The following MACF1 variants were observed in gnomAD, a reference collection of about 807,000 sequenced individuals.
MACF1 encodes microtubule actin crosslinking factor 1.
A neutral mutation model predicts 854.8 loss-of-function variants in MACF1; 193 were observed. The observed-to-expected ratio is 0.23, with a 90% CI of 0.20 to 0.25. MACF1 has a LOEUF of 0.25. Ranked by LOEUF, MACF1 falls within the 10% of genes least tolerant of loss-of-function variation. MACF1 has a pLI of 1.00. For missense variants in MACF1, 7,722 were observed against 8,929.1 expected, an observed-to-expected ratio of 0.86 and a Z score of 5.45; for synonymous variants, 3,185 against 3,226.7, an observed-to-expected ratio of 0.99 and a Z score of 0.44.
chr1:39,089,756 A>G (rs1288250838), intron 2 of MACF1, among the ~76,000 whole-genome samples: 2 of 152,218 alleles, frequency 1.3e-5, no homozygotes, highest in Admixed American at 1.3e-4. Flanking sequence ...TGTGCCAGGC[A>G]CTGCGGAGAT....
chr1:39,176,500 T>G (rs1644031002), intron 2 of MACF1, among the ~76,000 whole-genome samples: 1 of 152,194 alleles, frequency 6.6e-6, no homozygotes, highest in African/African-American at 2.4e-5. Context: ...CTCCTCCTTT[T>G]AGGTCCTCTA....
intron 60 of MACF1, 99 bp downstream of exon 60, chr1:39,422,999 G>T: frequency 9.2e-7 from 1 of 1,085,270 alleles, no homozygotes; most frequent in Non-Finnish European, 1.3e-6. Context: ...AGTTTTAGTA[G>T]AATCCTAAAC....
chr1:39,287,635 A>G (rs1645670736), intron 15 of MACF1, 73 bp downstream of exon 15: 1 of 1,533,138 alleles, frequency 6.5e-7, no homozygotes, highest in South Asian at 1.2e-5. Flanking sequence ...AAGAGGACCA[A>G]ATTGCTTTGT....
chr1:39,411,032 G>A (rs543944783), intron 58 of MACF1: 14 of 1,613,998 alleles, frequency 8.7e-6, no homozygotes, highest in Middle Eastern at 1.6e-4. Context: ...AGATTCTCAA[G>A]TGCAACCTGG....
chr1:39,098,887 G>C (rs1426984008), intron 2 of MACF1, among the ~76,000 whole-genome samples: 2 of 152,182 alleles, frequency 1.3e-5, no homozygotes, highest in African/African-American at 4.8e-5. Flanking sequence ...TTGGGAACTT[G>C]AGGCAAAGCT....
chr1:39,285,169 G>T lies in MACF1; in HGVS notation c.1218G>T (p.Glu406Asp). 6.2e-7 allele frequency: 1 copy of T among 1,614,224 alleles called. No individual in the cohort carries two copies. The highest frequency in any genetic ancestry group is 8.5e-7 in the Non-Finnish European group (1 of 1,180,044). The change falls in exon 12 of 101, where the codon GAG becomes GAT. Residue 406 changes from glutamate (E) to aspartate (D), a missense_variant. Glu to Asp is a conservative substitution (Grantham distance 45). Around this residue, in one of 15 missense-constraint regions of MACF1, gnomAD observed 1,137 missense variants for 1,263.0 expected, o/e 0.90. Transcript: ENST00000564288. ...AAGAGTGGGGAAAGCTCATCATAGA[G>T]ATGCTGGAACGAGAGAAATCACTTC... ...VEEEWGKLII[E>D]MLEREKSLRP...
In MACF1 at chr1:39,334,748, T is replaced by C; in HGVS notation, c.8160T>C (p.Ile2720=). The change falls in exon 37 of 101, where the codon ATT becomes ATC. Residue 2720 remains isoleucine (I), a synonymous_variant. Transcript: ENST00000564288. ...EKLVDENMVR[I]IASHQVLNGG... ...TGGTGGATGAAAACATGGTCAGAAT[T>C]ATTGCATCTCATCAGGTGTTAAATG... 1 of 1,614,124 alleles carries C rather than the reference T, an allele frequency of 6.2e-7. No homozygotes were observed. The highest frequency in any genetic ancestry group is 1.1e-5 in the South Asian group (1 of 91,078).
At chr1:39,374,329 G>T (rs1469402782) in intron 52 of MACF1, among the ~76,000 whole-genome samples, 2 of 152,208 alleles carry the variant, frequency 1.3e-5, no homozygotes, top group Non-Finnish European at 2.9e-5. Context: ...TTTATTACTA[G>T]TCTGTGATAG....
At chr1:39,150,442 T>C (rs920630080) in intron 2 of MACF1, among the ~76,000 whole-genome samples, 1 of 152,266 alleles carries the variant, frequency 6.6e-6, no homozygotes, top group African/African-American at 2.4e-5. Flanking sequence ...TGGATTATTG[T>C]CATTCTACAC....
At chr1:39,382,300 T>C (rs1181071695) in intron 56 of MACF1, 148 bp downstream of exon 56, 3 of 712,702 alleles carry the variant, frequency 4.2e-6, no homozygotes, top group Non-Finnish European at 6.9e-6. Flanking sequence ...GTGTTAATCA[T>C]GGTGCCTGTA....
rs79248633 is a variant in MACF1 at position 39,148,798 on chromosome 1, T to G, written c.220+64360T>G. ...ACACTTAACTGTATTTTTAAAAAGATAAATTCCTAAGAATGGAATTGCTGA... is the reference window on the plus strand; with the variant it reads ...ACACTTAACTGTATTTTTAAAAAGAGAAATTCCTAAGAATGGAATTGCTGA... On this transcript the variant is annotated intron_variant, in intron 2 of 93. Transcript: ENST00000361689. Among the ~76,000 whole-genome samples the G allele has an allele frequency of 3.0e-4, 46 of 152,364 alleles. No homozygotes were observed. The East Asian group carries it at 5.8e-3, about 19-fold the overall frequency.
chr1:39,190,920 G>A (rs979539632), intron 2 of MACF1, among the ~76,000 whole-genome samples: 2 of 152,130 alleles, frequency 1.3e-5, no homozygotes, highest in Non-Finnish European at 2.9e-5. Context: ...TTGAACCTGG[G>A]AGGTGGAGTT....
At chr1:39,319,462 CA>C (rs1430473884) in intron 30 of MACF1, among the ~76,000 whole-genome samples, 1 of 152,034 alleles carries the variant, frequency 6.6e-6, no homozygotes, top group African/African-American at 2.4e-5. Context: ...ATTAAAAAGA[CA>C]AAAAAGTGCA....
chr1:39,310,145 A>T, intron 24 of MACF1, 100 bp from the exon 25 acceptor site: 1 of 893,060 alleles, frequency 1.1e-6, no homozygotes, highest in South Asian at 1.8e-5. Flanking sequence ...ATTATGGTTT[A>T]TGCACTGTTT....
At position 39,361,472 on chromosome 1, in the gene MACF1, A is replaced by G. The variant is rs369591214; in HGVS notation, c.12566A>G (p.Lys4189Arg). Residue 4189 changes from lysine to arginine, a missense_variant, in exon 49 of 101, where the codon AAA becomes AGA. Physicochemically the swap from Lys to Arg is conservative, Grantham distance 26. Transcript: ENST00000564288. ...ACTACAGCAGCAGTGCTGCAGGGCAAACTGGCAGAGGTGAGCCAGCGGTTC... is the reference window on the plus strand; with the variant it reads ...ACTACAGCAGCAGTGCTGCAGGGCAGACTGGCAGAGGTGAGCCAGCGGTTC... ...DSTTAAVLQG[K>R]LAEVSQRFEQ... The G allele has an allele frequency of 3.4e-5, 55 of 1,614,090 alleles. 1 individual carries two copies. Among genetic ancestry groups the G allele is most frequent in the Non-Finnish European group, 4.3e-5 (51 of 1,180,038 alleles).
At chr1:39,112,951 C>A (rs895751576) in intron 2 of MACF1, among the ~76,000 whole-genome samples, 1 of 151,924 alleles carries the variant, frequency 6.6e-6, no homozygotes, top group Admixed American at 6.6e-5. Flanking sequence ...CCACTGTACT[C>A]CAACCTAGGC....
chr1:39,116,211 TTG>T (rs1488210087), intron 2 of MACF1, among the ~76,000 whole-genome samples: 1 of 152,110 alleles, frequency 6.6e-6, no homozygotes, highest in Non-Finnish European at 1.5e-5. Flanking sequence ...GAGTCAAAAG[TTG>T]TGTCTTTTAG....
At chr1:39,175,737 G>A (rs1644014209) in intron 2 of MACF1, among the ~76,000 whole-genome samples, 1 of 151,902 alleles carries the variant, frequency 6.6e-6, no homozygotes, top group African/African-American at 2.4e-5. Context: ...CGAATCACTT[G>A]AGGCCAGGAG....
At chr1:39,315,367 A>G (rs1443997114) in intron 26 of MACF1, 146 bp from the exon 27 acceptor site, 2 of 621,680 alleles carry the variant, frequency 3.2e-6, no homozygotes, top group Non-Finnish European at 5.6e-6. Context: ...TCTCCATCGT[A>G]TGTCTGCTTC....
Sources: gnomAD v4.1 joint callset for allele counts (sites outside exome capture counted in the v4.1 genomes callset) on GRCh38, gnomAD v4.1.1 for gene constraint, gnomAD v4.1.1 regional missense constraint, MANE v1.5 for transcripts, NCBI Gene and HGNC (gene_info 2026-07-23, HGNC 2026-07-21) for gene names.